SETD2: variants seen among roughly 807,000 people sequenced by gnomAD.
SETD2 encodes SET domain containing 2, histone lysine methyltransferase.
SETD2 carries 31 observed loss-of-function variants against 242.1 expected under a neutral mutation model. That is an observed-to-expected ratio of 0.13 (90% CI 0.10 to 0.17). The LOEUF is 0.17. SETD2 is among the 10% of genes least tolerant of loss of function. The pLI, the probability that SETD2 is intolerant of heterozygous loss-of-function variation, is 1.00. For synonymous variants in SETD2, 1,006 were observed against 1,066.5 expected (o/e 0.94, Z 1.11); for missense variants, 2,481 against 3,046.3 (o/e 0.81, Z 4.37).
At chr3:47,026,693 A>T (rs1167845253) in intron 18 of SETD2, among the ~76,000 whole-genome samples, 2 of 120,326 alleles carry the variant, frequency 1.7e-5, no homozygotes, top group Non-Finnish European at 3.7e-5. Flanking sequence ...TCTCAGCAAA[A>T]TAACACAAGA....
At chr3:47,097,922 A>G in intron 9 of SETD2, 33 bp downstream of exon 9, 3 of 1,606,394 alleles carry the variant, frequency 1.9e-6, no homozygotes, top group Non-Finnish European at 2.6e-6. Context: ...TAAATTTTTT[A>G]TTGTGAAAGT....
rs1176819692 is a variant in SETD2, at chr3:47,123,780, T to C, written c.856A>G (p.Ile286Val). The change falls in exon 3 of 21, where the codon ATT becomes GTT. Residue 286 changes from isoleucine (I) to valine (V), a missense_variant. This residue lies in a region of SETD2 where 334 missense variants were observed against 374.5 expected (regional missense o/e 0.89). Transcript: ENST00000409792. The stretch of plus-strand genomic sequence containing the variant: ...TCTGGAATTTCTTCATCCTTCCCAA[T>C]ATGGGAATCTTCTTTTTTTGAGGAA... ...DISSKKEDSH[I>V]GKDEEIPDSS... 1 of 1,547,514 alleles carries C rather than the reference T, an allele frequency of 6.5e-7. No individual in the cohort carries two copies. Among genetic ancestry groups the C allele is most frequent in the East Asian group, 2.4e-5 (1 of 40,902 alleles).
rs1482249689 is a variant in SETD2 at position 47,123,986 on chromosome 3, G to A, written c.650C>T (p.Thr217Ile). 1 of 1,551,936 alleles carries A rather than the reference G, an allele frequency of 6.4e-7. No individual in the cohort carries two copies. Among genetic ancestry groups the A allele is most frequent in the Non-Finnish European group, 8.7e-7 (1 of 1,146,754 alleles). ...PVTEPVALPH[T>I]PITVLMAAPV... ...TGCTGCCATTAGAACTGTTATTGGTGTATGTGGCAAGGCCACTGGCTCTGT... is the reference window on the plus strand; with the variant it reads ...TGCTGCCATTAGAACTGTTATTGGTATATGTGGCAAGGCCACTGGCTCTGT... The change falls in exon 3 of 21, where the codon ACA becomes ATA. Residue 217 changes from threonine (T) to isoleucine (I), a missense_variant. By Grantham distance (89) the Thr-to-Ile change is moderately conservative. Around this residue, in one of 17 missense-constraint regions of SETD2, gnomAD observed 334 missense variants for 374.5 expected, o/e 0.89. Transcript: ENST00000409792.
chr3:47,107,720 C>CGGGGGGGGGGGGGGGGGGGGG (rs1184327932), intron 5 of SETD2, among the ~76,000 whole-genome samples: 1 of 129,770 alleles, frequency 7.7e-6, no homozygotes. Context: ...CTTTGGGTGG[C>CGGGGGGGGGGGGGGGGGGGGG]GGGGGGGGGT....
At chr3:47,138,097 G>C (rs9852167) in intron 1 of SETD2, among the ~76,000 whole-genome samples, 1 of 135,776 alleles carries the variant, frequency 7.4e-6, no homozygotes. Flanking sequence ...TCAGCCTCCC[G>C]AGTAGCTGGG....
chr3:47,096,596 A>AG (rs558065477), intron 9 of SETD2, among the ~76,000 whole-genome samples: 28 of 26,150 alleles, frequency 1.1e-3, no homozygotes, highest in South Asian at 2.7e-3. Context: ...AAAAAAAAAA[A>AG]GGGGGGCTGG....
intron 15 of SETD2, among the ~76,000 whole-genome samples, chr3:47,049,304 A>AATATATATATATATATATATATAT (rs55952850): frequency 9.2e-6 from 1 of 108,590 alleles, no homozygotes; most frequent in Non-Finnish European, 1.8e-5. Flanking sequence ...AAGTTTTCTA[A>AATATATATATATATATATATATAT]ATATATATAT....
At position 47,101,627 on chromosome 3, in the gene SETD2, T is replaced by C. The variant is rs529100235; in HGVS notation, c.4918-72A>G. ...GTGTGTGTGTGTGTGTGTGTGTGTG[T>C]GTGTGTGCGCATATATAAAGATCAT... On this transcript the variant is annotated intron_variant, in intron 7 of 20. Transcript: ENST00000409792. The C allele has an allele frequency of 3.2e-5, 27 of 837,832 alleles. No homozygotes were observed. In the East Asian group the frequency reaches 6.7e-4, roughly 21 times the overall value. 51.9% of individuals were successfully genotyped at this position (837,832 alleles called of 1,614,324 possible). A position where few individuals can be genotyped will look rare whatever the true frequency, so the allele number is the denominator to read the frequency against.
At chr3:47,065,118 A>G (rs995712444) in intron 13 of SETD2, among the ~76,000 whole-genome samples, 1 of 152,160 alleles carries the variant, frequency 6.6e-6, no homozygotes. Context: ...GATCCCAGAA[A>G]GCTAGCTTCT....
At chr3:47,146,753 A>G (rs1009326026) in intron 1 of SETD2, among the ~76,000 whole-genome samples, 3 of 152,020 alleles carry the variant, frequency 2.0e-5, no homozygotes, top group Admixed American at 1.3e-4. Flanking sequence ...CCCGGGCAAC[A>G]TGGAGAGATC....
intron 1 of SETD2, among the ~76,000 whole-genome samples, chr3:47,134,704 A>G (rs1010061834): frequency 6.6e-6 from 1 of 151,658 alleles, no homozygotes; most frequent in East Asian, 1.9e-4. Context: ...ATCTTGGCTC[A>G]CTGCAATCTC....
intron 14 of SETD2, among the ~76,000 whole-genome samples, chr3:47,058,287 T>C (rs1425532638): frequency 6.6e-6 from 1 of 151,160 alleles, no homozygotes; most frequent in East Asian, 1.9e-4. Context: ...CTACTACAAA[T>C]ACAATTAGCT....
intron 19 of SETD2, 97 bp downstream of exon 19, chr3:47,019,663 T>C (rs1239841071): frequency 1.0e-5 from 11 of 1,053,890 alleles, no homozygotes; most frequent in East Asian, 2.4e-5. Context: ...CCTGCCTATC[T>C]TGGGGCAAAG....
At chr3:47,127,630 G>A (rs1427846908) in intron 1 of SETD2, 1 of 415,298 alleles carries the variant, frequency 2.4e-6, no homozygotes, top group Non-Finnish European at 4.8e-6. Context: ...GGGAGGCCGA[G>A]GTGGGCAGAC....
In SETD2 at chr3:47,123,319, A is replaced by C. The variant is rs1360046226; in HGVS notation, c.1317T>G (p.Pro439=). ...GAGAATAGCGCGTCCTCTCTCGATA[A>C]GGGGAGCTCCTATGGTAGCGACGAT... is the stretch of plus-strand genomic sequence containing the variant. The part of the protein sequence containing the change: ...DSDRRYHRSS[P]YRERTRYSRP... Residue 439 remains proline, a synonymous_variant, in exon 3 of 21, where the codon CCT becomes CCG. Coordinates refer to ENST00000409792, the MANE Select transcript of SETD2 (RefSeq NM_014159.7). 2 of 1,551,724 alleles carry C rather than the reference A, an allele frequency of 1.3e-6. No homozygotes were observed. Among genetic ancestry groups the C allele is most frequent in the South Asian group, 1.2e-5 (1 of 84,080 alleles).
intron 18 of SETD2, among the ~76,000 whole-genome samples, chr3:47,035,456 C>T (rs929460737): frequency 2.6e-5 from 4 of 152,168 alleles, no homozygotes; most frequent in Admixed American, 2.0e-4. Context: ...CATAAGCTGC[C>T]CTTTTACTTG....
intron 15 of SETD2, among the ~76,000 whole-genome samples, chr3:47,050,257 T>C (rs1202931365): frequency 6.6e-6 from 1 of 152,016 alleles, no homozygotes; most frequent in East Asian, 1.9e-4. Flanking sequence ...CCTGAAAATA[T>C]GTACACCTAT....
At chr3:47,072,977 A>AG (rs1235480473) in intron 12 of SETD2, among the ~76,000 whole-genome samples, 2 of 151,172 alleles carry the variant, frequency 1.3e-5, no homozygotes, top group Non-Finnish European at 3.0e-5. Context: ...AAAGAAAGAA[A>AG]AAAAAAAAGG....
chr3:47,099,592 T>G (rs1176337111), intron 8 of SETD2, among the ~76,000 whole-genome samples: 2 of 152,212 alleles, frequency 1.3e-5, no homozygotes, highest in African/African-American at 4.8e-5. Context: ...TGGTGATATT[T>G]TTACTACTTA....
Sources: allele counts gnomAD v4.1 joint callset (sites outside exome capture counted in the v4.1 genomes callset), GRCh38; gene constraint gnomAD v4.1.1; regional missense constraint gnomAD v4.1.1; transcripts MANE v1.5; gene names NCBI Gene and HGNC (gene_info 2026-07-23, HGNC 2026-07-21).